Variants in WIZ observed in about 807,000 individuals in gnomAD.
The protein encoded by WIZ is WIZ zinc finger, also known as protein Wiz.
In WIZ, 25 loss-of-function variants were observed where a neutral mutation model predicts 140.2. The observed-to-expected ratio is 0.18, with a 90% CI of 0.13 to 0.25. WIZ has a LOEUF of 0.25. Ranked by LOEUF, WIZ falls within the 10% of genes least tolerant of loss-of-function variation. WIZ has a pLI of 1.00. For synonymous variants in WIZ, 1,125 were observed against 1,154.3 expected, an observed-to-expected ratio of 0.97 and a Z score of 0.51; for missense variants, 2,231 against 2,632.6, an observed-to-expected ratio of 0.85 and a Z score of 3.34.
intron 4 of WIZ, among the ~76,000 whole-genome samples, chr19:15,437,514 G>A (rs1462289220): frequency 1.3e-5 from 2 of 152,124 alleles, no homozygotes; most frequent in Non-Finnish European, 2.9e-5. Flanking sequence ...AAATTAGCTG[G>A]GCATAGTGGT....
In WIZ at chr19:15,429,926, C is replaced by A; in HGVS notation, c.3075G>T (p.Leu1025=). 6.5e-7 allele frequency: 1 copy of A among 1,536,038 alleles called. No homozygotes were observed. Among genetic ancestry groups the A allele is most frequent in the Non-Finnish European group, 8.7e-7 (1 of 1,146,812 alleles). Residue 1025 remains leucine, a synonymous_variant, in exon 7 of 13, where the codon CTG becomes CTT. Coordinates refer to ENST00000673675, the MANE Select transcript of WIZ (RefSeq NM_001371589.1). The stretch of plus-strand genomic sequence containing the variant: ...GGGGCAGCCCAAGGTGGGCGTCAGG[C>A]AGACCCTTCTGCTTCACAAGCTCGT... The part of the protein sequence containing the change: ...LLYELVKQKG[L]PDAHLGLPPG...
In WIZ at chr19:15,425,248, G is replaced by T; in HGVS notation, c.4887C>A (p.Ser1629=). 2.5e-6 allele frequency: 4 copies of T among 1,580,392 alleles called. No individual in the cohort carries two copies. Among genetic ancestry groups the T allele is most frequent in the Non-Finnish European group, 3.4e-6 (4 of 1,164,296 alleles). The part of the protein sequence containing the change: ...FKAKTLHEKT[S]HSSTEACCEL... Reference sequence around the variant, plus strand: ...CTGCCGCCCGCTGCTTACAGGAGTGGGAGGTCTTCTCATGAAGGGTCTTTG... The same window carrying T: ...CTGCCGCCCGCTGCTTACAGGAGTGTGAGGTCTTCTCATGAAGGGTCTTTG... The change falls in exon 10 of 13, where the codon TCC becomes TCA. Residue 1629 remains serine, a synonymous_variant. Transcript: ENST00000673675.
rs746461843 is a variant in WIZ at position 15,424,287 on chromosome 19, C to G, written c.5406G>C (p.Val1802=). The part of the protein sequence containing the change: ...TNDLQQKLEE[V]RQPPPRVRPV... ...GCCGGACTCGGGGTGGGGGTTGCCG[C>G]ACCTCCTCCAGCTTCTGCTGTAGGT... Residue 1802 remains valine (V), a synonymous_variant, in exon 12 of 13, where the codon GTG becomes GTC. Coordinates refer to ENST00000673675, the MANE Select transcript of WIZ (RefSeq NM_001371589.1). This position sits in a 1 kb window ranked among gnomAD's most constrained non-coding sequence, Gnocchi z 9.7. The G allele has an allele frequency of 1.3e-6, 2 of 1,593,812 alleles. No individual in the cohort carries two copies. Among genetic ancestry groups the G allele is most frequent in the South Asian group, 2.2e-5 (2 of 89,212 alleles).
intron 2 of WIZ, among the ~76,000 whole-genome samples, chr19:15,446,667 C>G (rs771773300): frequency 3.3e-5 from 5 of 152,206 alleles, no homozygotes; most frequent in African/African-American, 4.8e-5. Context: ...CATCCTACCT[C>G]TCACTTCCTG....
At chr19:15,426,551 G>A (rs896920526) in intron 9 of WIZ, among the ~76,000 whole-genome samples, 11 of 152,226 alleles carry the variant, frequency 7.2e-5, no homozygotes, top group Admixed American at 7.2e-4. Context: ...GAGGAACAGA[G>A]ATCTTAACTC....
At chr19:15,432,537 G>A (rs1189692941) in intron 5 of WIZ, 3 of 736,722 alleles carry the variant, frequency 4.1e-6, no homozygotes, top group Non-Finnish European at 4.9e-6. Context: ...GCGGCGGCGG[G>A]GGTGGGGGCG....
chr19:15,427,172 GGCAGTT>G lies in WIZ; in HGVS notation c.4170_4175del (p.Thr1391_Ala1392del). 6.2e-7 allele frequency: 1 copy of G among 1,614,224 alleles called. No individual in the cohort carries two copies. The highest frequency in any genetic ancestry group is 1.6e-4 in the Middle Eastern group (1 of 6,062). ...TCTTTCGGGCCGTAGGAGGAGGAGA[GGCAGTT>G]GGTGAGTGGCCCAGGGGGCTGCCCG... On this transcript the variant is annotated inframe_deletion, in exon 9 of 13. Transcript: ENST00000673675. The surrounding 1 kb of genome is among the most constrained non-coding windows in gnomAD (Gnocchi z 6.4).
intron 2 of WIZ, among the ~76,000 whole-genome samples, chr19:15,446,032 C>T (rs1220337597): frequency 6.6e-6 from 1 of 152,132 alleles, no homozygotes; most frequent in Non-Finnish European, 1.5e-5. Context: ...GACGTGGTGT[C>T]CCAAACCCAG....
In WIZ at chr19:15,439,804, C is replaced by A; in HGVS notation, c.1190G>T (p.Arg397Leu). The A allele has an allele frequency of 3.3e-6, 5 of 1,520,678 alleles. No individual in the cohort carries two copies. The Middle Eastern group carries it at 5.1e-4, about 154-fold the overall frequency. The allele number at this position is 1,520,678 out of a possible 1,614,324, so 94.2% of individuals were successfully genotyped here. Residue 397 changes from arginine (R) to leucine (L), a missense_variant, in exon 4 of 13, where the codon CGG becomes CTG. This residue lies in a region of WIZ where 475 missense variants were observed against 520.2 expected (regional missense o/e 0.91). Transcript: ENST00000673675. This position sits in a 1 kb window ranked among gnomAD's most constrained non-coding sequence, Gnocchi z 7.0. ...KLKQVPGDEG[R>L]EARLQCPKCV... ...CTTAGGGCACTGCAGCCGTGCCTCCCGGCCCTCGTCTCCTGGAACTTGCTT... is the reference window on the plus strand; with the variant it reads ...CTTAGGGCACTGCAGCCGTGCCTCCAGGCCCTCGTCTCCTGGAACTTGCTT...
intron 7 of WIZ, 79 bp downstream of exon 7, chr19:15,429,507 T>G: frequency 1.4e-4 from 110 of 790,418 alleles, no homozygotes; most frequent in Non-Finnish European, 1.7e-4. Flanking sequence ...CTGGGCCCTG[T>G]CCCTGGGCTA....
In WIZ at chr19:15,439,843, T is replaced by A; in HGVS notation, c.1151A>T (p.Glu384Val). Residue 384 changes from glutamate (E) to valine (V), a missense_variant, in exon 4 of 13, where the codon GAG becomes GTG. By Grantham distance (121) the Glu-to-Val change is moderately radical. Coordinates refer to ENST00000673675, the MANE Select transcript of WIZ (RefSeq NM_001371589.1). The surrounding 1 kb of genome is among the most constrained non-coding windows in gnomAD (Gnocchi z 7.0). The part of the protein sequence containing the change: ...HQASREKIIE[E>V]IQKLKQVPGD... ...TGGAACTTGCTTCAGCTTTTGGATCTCCTCAATGATCTTCTCCCGGGAGGC... is the reference window on the plus strand; with the variant it reads ...TGGAACTTGCTTCAGCTTTTGGATCACCTCAATGATCTTCTCCCGGGAGGC... The A allele has an allele frequency of 6.5e-7, 1 of 1,528,646 alleles. No homozygotes were observed. The highest frequency in any genetic ancestry group is 8.7e-7 in the Non-Finnish European group (1 of 1,143,122). 94.7% of individuals were successfully genotyped at this position (1,528,646 alleles called of 1,614,324 possible).
In WIZ at chr19:15,423,254, A is replaced by G; in HGVS notation, c.5511-19T>C. 3 of 1,612,462 alleles carry G rather than the reference A, an allele frequency of 1.9e-6. No individual in the cohort carries two copies. The highest frequency in any genetic ancestry group is 2.5e-6 in the Non-Finnish European group (3 of 1,179,610). On this transcript the variant is annotated intron_variant, in intron 12 of 12. Transcript: ENST00000673675. ...ACAGAACCTGCATGGGGGAACAGAGAGAGGGAGTGGCCAGTGCTGTGAGGA... is the reference window on the plus strand; with the variant it reads ...ACAGAACCTGCATGGGGGAACAGAGGGAGGGAGTGGCCAGTGCTGTGAGGA...
intron 2 of WIZ, among the ~76,000 whole-genome samples, chr19:15,447,648 C>CTG (rs1969965029): frequency 6.6e-6 from 1 of 152,160 alleles, no homozygotes. Flanking sequence ...TAGCCAGCAT[C>CTG]GCTGACTACC....
chr19:15,436,275 A>G (rs1969513580), intron 5 of WIZ, among the ~76,000 whole-genome samples: 1 of 152,248 alleles, frequency 6.6e-6, no homozygotes, highest in Admixed American at 6.5e-5. Context: ...TCCAGCCATC[A>G]TCTCAGAAAG....
At chr19:15,425,799 G>GAGA in intron 9 of WIZ, 31 bp from the exon 10 acceptor site, 1 of 1,135,796 alleles carries the variant, frequency 8.8e-7, no homozygotes, top group Non-Finnish European at 1.1e-6. Context: ...GGGGAAGGAG[G>GAGA]AGGAGGAGGA....
At position 15,440,306 on chromosome 19, in the gene WIZ, C is replaced by A; in HGVS notation, c.688G>T (p.Asp230Tyr). ...TCTCTGCCACCCACCACCGCCATGT[C>A]CAGCGTCTTCGGGGTGTCTTCCACT... ...VPVEDTPKTL[D>Y]MAVVGGREDL... Residue 230 changes from aspartate (D) to tyrosine (Y), a missense_variant, in exon 4 of 13, where the codon GAC becomes TAC. By Grantham distance (160) the Asp-to-Tyr change is radical. This residue lies in a region of WIZ where 307 missense variants were observed against 294.1 expected (regional missense o/e 1.04). Transcript: ENST00000673675. The surrounding 1 kb of genome is among the most constrained non-coding windows in gnomAD (Gnocchi z 6.2). 6.6e-7 allele frequency: 1 copy of A among 1,510,006 alleles called. No individual in the cohort carries two copies. The allele number at this position is 1,510,006 out of a possible 1,614,324, so 93.5% of individuals were successfully genotyped here.
intron 2 of WIZ, among the ~76,000 whole-genome samples, chr19:15,443,316 C>T (rs1011103834): frequency 1.3e-5 from 2 of 152,216 alleles, no homozygotes; most frequent in African/African-American, 4.8e-5. Context: ...AAGCGATCCA[C>T]CCACCTCGGC....
In WIZ at chr19:15,442,071, C is replaced by T. The variant is rs1969765001; in HGVS notation, c.278+605G>A. On this transcript the variant is annotated intron_variant, in intron 3 of 12. Transcript: ENST00000673675. This position sits in a 1 kb window ranked among gnomAD's most constrained non-coding sequence, Gnocchi z 5.5. ...GCATGGTGGCAGGTGCCTATAATCC[C>T]AGCTACTGGGGAAGCTGAGGCAGGA... Among the ~76,000 whole-genome samples, 1 of 151,996 alleles carries T rather than the reference C, an allele frequency of 6.6e-6. No homozygotes were observed. Among genetic ancestry groups the T allele is most frequent in the Non-Finnish European group, 1.5e-5 (1 of 68,008 alleles).
chr19:15,433,473 G>A (rs997978081), intron 5 of WIZ: 1 of 474,430 alleles, frequency 2.1e-6, no homozygotes, highest in African/African-American at 2.1e-5. Context: ...CTTACTTAAG[G>A]CAAGGCTTCC....
Sources: gnomAD v4.1 joint callset for allele counts (sites outside exome capture counted in the v4.1 genomes callset) on GRCh38, gnomAD v4.1.1 for gene constraint, gnomAD v4.1.1 regional missense constraint, Gnocchi (gnomAD v3.1) non-coding constraint, MANE v1.5 for transcripts, NCBI Gene and HGNC (gene_info 2026-07-23, HGNC 2026-07-21) for gene names.